Variants in MYCBP2 observed in about 807,000 individuals in gnomAD.
MYCBP2 encodes MYC binding protein 2, also known as E3 ubiquitin-protein ligase MYCBP2.
In MYCBP2, 120 loss-of-function variants were observed where a neutral mutation model predicts 525.3. The observed-to-expected ratio is 0.23, with a 90% CI of 0.20 to 0.27. The LOEUF (loss-of-function observed/expected upper bound fraction) is 0.27, where lower values mean the gene tolerates loss of function less well. Among genes scored for constraint, MYCBP2 ranks in the 10% least tolerant of loss-of-function variants. The pLI, the probability that MYCBP2 is intolerant of heterozygous loss-of-function variation, is 1.00. For missense variants in MYCBP2, 4,149 were observed against 5,657.1 expected, an observed-to-expected ratio of 0.73 and a Z score of 8.55; for synonymous variants, 1,894 against 1,955.8, an observed-to-expected ratio of 0.97 and a Z score of 0.83.
chr13:77,063,625 G>C (rs1284886224), intron 73 of MYCBP2, among the ~76,000 whole-genome samples: 1 of 150,940 alleles, frequency 6.6e-6, no homozygotes, highest in Non-Finnish European at 1.5e-5. Flanking sequence ...GAGGCTTAAA[G>C]GGTAAGCTTC....
chr13:77,171,479 G>T lies in MYCBP2; in HGVS notation c.5794+13C>A, dbSNP rs780103918. 2.5e-6 allele frequency: 4 copies of T among 1,604,962 alleles called. No homozygotes were observed. Among genetic ancestry groups the T allele is most frequent in the Non-Finnish European group, 3.4e-6 (4 of 1,176,374 alleles). On this transcript the variant is annotated intron_variant, in intron 38 of 82. Coordinates refer to ENST00000544440, the MANE Select transcript of MYCBP2 (RefSeq NM_015057.5). ...AATCTAAAATATGACTACTGAGAAA[G>T]AAAAAATATTACCATCCACAGCAAG... is the stretch of plus-strand genomic sequence containing the variant.
chr13:77,325,311 T>C (rs1489020569), intron 1 of MYCBP2, among the ~76,000 whole-genome samples: 2 of 152,228 alleles, frequency 1.3e-5, no homozygotes, highest in Non-Finnish European at 2.9e-5. Flanking sequence ...TAACTCATTT[T>C]GACAGTTTCC....
Position 77,296,693 on chromosome 13 carries a change from A to G in MYCBP2, c.303-19T>C. ...CTTATTCCTAAATATTAAAAGAAAA[A>G]TGGGAAAAAAATATGAATGTTCATA... On this transcript the variant is annotated intron_variant, in intron 1 of 82. Coordinates refer to ENST00000544440, the MANE Select transcript of MYCBP2 (RefSeq NM_015057.5). 7.6e-7 allele frequency: 1 copy of G among 1,324,186 alleles called. No homozygotes were observed. Among genetic ancestry groups the G allele is most frequent in the Non-Finnish European group, 1.0e-6 (1 of 968,798 alleles). 82.0% of individuals were successfully genotyped at this position (1,324,186 alleles called of 1,614,324 possible). A position where few individuals can be genotyped will look rare whatever the true frequency, so the allele number is the denominator to read the frequency against.
intron 73 of MYCBP2, 121 bp downstream of exon 73, chr13:77,064,494 A>AT (rs2039878719): frequency 8.9e-7 from 1 of 1,126,238 alleles, no homozygotes; most frequent in South Asian, 1.7e-5. Flanking sequence ...TAAATACGGT[A>AT]TTTGGTTAAA....
chr13:77,163,722 T>C (rs536109342), intron 43 of MYCBP2, among the ~76,000 whole-genome samples: 2 of 152,306 alleles, frequency 1.3e-5, no homozygotes, highest in South Asian at 4.1e-4. Flanking sequence ...TTACTTTCCA[T>C]TCTCCCTCTC....
chr13:77,144,356 G>A (rs962497762), intron 49 of MYCBP2, 89 bp downstream of exon 49: 31 of 870,326 alleles, frequency 3.6e-5, no homozygotes, highest in Middle Eastern at 2.2e-4. Context: ...TATGTCTAGT[G>A]CAAGTTAATG....
intron 80 of MYCBP2, 35 bp from the exon 81 acceptor site, chr13:77,051,953 A>C: frequency 6.5e-7 from 1 of 1,541,118 alleles, no homozygotes; most frequent in Non-Finnish European, 9.0e-7. Context: ...ACAGCAGGAA[A>C]AAAGAAAACT....
Position 77,087,559 on chromosome 13 carries a change from T to C in MYCBP2, c.10800A>G (p.Ser3600=), listed in dbSNP as rs140280767. The C allele has an allele frequency of 1.2e-4, 199 of 1,613,184 alleles. No individual in the cohort carries two copies. The highest frequency in any genetic ancestry group is 1.6e-4 in the Non-Finnish European group (186 of 1,179,582). ...CTGGTTCCACTGGTGCAGGAGTCAG[T>C]GATGCCACAAAATGCCACAGAATAT... ...LHDILWHFVA[S]LTPAPVEPEE... Residue 3600 remains serine, a synonymous_variant, in exon 62 of 83, where the codon TCA becomes TCG. Coordinates refer to ENST00000544440, the MANE Select transcript of MYCBP2 (RefSeq NM_015057.5).
rs572719584 is a variant in MYCBP2 at position 77,185,525 on chromosome 13, C to T, written c.4445-148G>A. On this transcript the variant is annotated intron_variant, in intron 31 of 82. Coordinates refer to ENST00000544440, the MANE Select transcript of MYCBP2 (RefSeq NM_015057.5). ...AAACAACTTAGAGATTAAGTGTAGTCCCAATTTTTAATCTAAATGGAAGGG... is the reference window on the plus strand; with the variant it reads ...AAACAACTTAGAGATTAAGTGTAGTTCCAATTTTTAATCTAAATGGAAGGG... 6 of 885,604 alleles carry T rather than the reference C, an allele frequency of 6.8e-6. No homozygotes were observed. The Admixed American group carries it at 1.9e-4, about 28-fold the overall frequency. The allele number at this position is 885,604 out of a possible 1,614,324, so 54.9% of individuals were successfully genotyped here. A position where few individuals can be genotyped will look rare whatever the true frequency, so the allele number is the denominator to read the frequency against.
intron 8 of MYCBP2, 96 bp from the exon 9 acceptor site, chr13:77,264,098 G>A (rs752585186): frequency 1.7e-4 from 148 of 872,820 alleles, no homozygotes; most frequent in Non-Finnish European, 2.3e-4. Context: ...AGTTCTCCAC[G>A]CAATAAGGAT....
chr13:77,249,479 A>C (rs555442619), intron 15 of MYCBP2, among the ~76,000 whole-genome samples: 3 of 152,334 alleles, frequency 2.0e-5, no homozygotes, highest in Non-Finnish European at 4.4e-5. Context: ...TTAATTTCAA[A>C]AGGGACCAGA....
chr13:77,075,970 T>G (rs971237049), intron 68 of MYCBP2: 11 of 152,322 alleles, frequency 7.2e-5, no homozygotes, highest in Admixed American at 1.3e-4. Context: ...TCCTTGAAAT[T>G]TATCTTTCAA....
At chr13:77,061,062 T>C (rs1399618285) in intron 76 of MYCBP2, 107 bp downstream of exon 76, 3 of 1,206,970 alleles carry the variant, frequency 2.5e-6, no homozygotes, top group Admixed American at 2.7e-5. Flanking sequence ...GATGTCATAA[T>C]TAAACATCAG....
chr13:77,127,770 G>T (rs995663671), intron 52 of MYCBP2, among the ~76,000 whole-genome samples: 1 of 151,696 alleles, frequency 6.6e-6, no homozygotes, highest in Non-Finnish European at 1.5e-5. Flanking sequence ...AGAATCCTCA[G>T]GTTTAAAAAT....
intron 59 of MYCBP2, among the ~76,000 whole-genome samples, chr13:77,091,566 G>C (rs979683207): frequency 1.3e-5 from 2 of 152,080 alleles, no homozygotes; most frequent in Admixed American, 6.6e-5. Flanking sequence ...GCCTCCTGTA[G>C]GATGGTTAGC....
intron 18 of MYCBP2, among the ~76,000 whole-genome samples, chr13:77,229,386 C>A (rs2066807245): frequency 6.6e-6 from 1 of 152,010 alleles, no homozygotes; most frequent in Admixed American, 6.6e-5. Context: ...AAGTAACCAG[C>A]CCAAAATCAT....
At chr13:77,125,175 A>C (rs902471065) in intron 54 of MYCBP2, among the ~76,000 whole-genome samples, 161 bp downstream of exon 54, 2 of 152,232 alleles carry the variant, frequency 1.3e-5, no homozygotes, top group African/African-American at 2.4e-5. Flanking sequence ...CACGTATTTT[A>C]CAAACCAATT....
chr13:77,121,037 A>C (rs1457111409), intron 55 of MYCBP2, among the ~76,000 whole-genome samples: 1 of 152,130 alleles, frequency 6.6e-6, no homozygotes, highest in Non-Finnish European at 1.5e-5. Context: ...CATTAACATT[A>C]CCATCCTAAT....
rs1434519054 is a variant in MYCBP2 at position 77,177,894 on chromosome 13, T to C, written c.5194A>G (p.Ser1732Gly). 6.2e-7 allele frequency: 1 copy of C among 1,613,792 alleles called. No homozygotes were observed. Among genetic ancestry groups the C allele is most frequent in the African/African-American group, 1.3e-5 (1 of 74,922 alleles). Reference sequence around the variant, plus strand: ...CCAGTGTTCCAACTTCTGCCCTGACTTGTTTTTGTAAATCGGTTAGCACTA... The same window carrying C: ...CCAGTGTTCCAACTTCTGCCCTGACCTGTTTTTGTAAATCGGTTAGCACTA... ...KASANRFTKT[S>G]QGRSWNTGNG... is the part of the protein sequence containing the mutation. Residue 1732 changes from serine (S) to glycine (G), a missense_variant, in exon 35 of 83, where the codon AGT becomes GGT. Coordinates refer to ENST00000544440, the MANE Select transcript of MYCBP2 (RefSeq NM_015057.5).
Sources: allele counts gnomAD v4.1 joint callset (sites outside exome capture counted in the v4.1 genomes callset), GRCh38; gene constraint gnomAD v4.1.1; transcripts MANE v1.5; gene names NCBI Gene and HGNC (gene_info 2026-07-23, HGNC 2026-07-21).